Variants in FBN3 observed in about 807,000 individuals in gnomAD.
The protein encoded by FBN3 is fibrillin 3.
In FBN3, 234 loss-of-function variants were observed where a neutral mutation model predicts 330.1. The observed-to-expected ratio is 0.71, with a 90% CI of 0.64 to 0.79. FBN3 has a LOEUF of 0.79. Among genes scored for constraint, FBN3 ranks in the 30% least tolerant of loss-of-function variants. The pLI, the probability that FBN3 is intolerant of heterozygous loss-of-function variation, is 0.00. For synonymous variants in FBN3, 1,458 were observed against 1,517.3 expected, an observed-to-expected ratio of 0.96 and a Z score of 0.91; for missense variants, 3,606 against 3,886.9, an observed-to-expected ratio of 0.93 and a Z score of 1.92.
At chr19:8,133,170 T>G (rs1227017016) in intron 13 of FBN3, 64 bp from the exon 14 acceptor site, 1 of 1,496,540 alleles carries the variant, frequency 6.7e-7, no homozygotes, top group Admixed American at 2.1e-5. Flanking sequence ...CTCTCCCTCC[T>G]CCAGGCTCCA....
chr19:8,111,990 G>T lies in FBN3; in HGVS notation c.3948C>A (p.Gly1316=). ...CRCLPGWVGD[G]FECHDLDECV... Reference sequence around the variant, plus strand: ...CCAGGTACTCACCGTGACATTCGAAGCCATCCCCCACCCAGCCTGGCAGGC... The same window carrying T: ...CCAGGTACTCACCGTGACATTCGAATCCATCCCCCACCCAGCCTGGCAGGC... Residue 1316 remains glycine (G), a synonymous_variant, in exon 31 of 64, where the codon GGC becomes GGA. Coordinates refer to ENST00000600128, the MANE Select transcript of FBN3 (RefSeq NM_032447.5). The T allele has an allele frequency of 6.3e-7, 1 of 1,596,358 alleles. No individual in the cohort carries two copies. Among genetic ancestry groups the T allele is most frequent in the Non-Finnish European group, 8.5e-7 (1 of 1,171,770 alleles).
chr19:8,120,957 T>G (rs1218633007), intron 25 of FBN3, among the ~76,000 whole-genome samples: 1 of 152,162 alleles, frequency 6.6e-6, no homozygotes, highest in Non-Finnish European at 1.5e-5. Flanking sequence ...AGAGGCCTCA[T>G]AACCGGCAGT....
At chr19:8,114,051 A>T (rs2082653334) in intron 30 of FBN3, among the ~76,000 whole-genome samples, 1 of 151,870 alleles carries the variant, frequency 6.6e-6, no homozygotes, top group African/African-American at 2.4e-5. Flanking sequence ...AAATAGATAC[A>T]CAGAGAGAAG....
At chr19:8,083,798 A>C in intron 56 of FBN3, among the ~76,000 whole-genome samples, 2 of 122,216 alleles carry the variant, frequency 1.6e-5, no homozygotes, top group East Asian at 2.3e-4. Flanking sequence ...CAGTCCTACT[A>C]TTTTTTCTTT....
intron 29 of FBN3, 35 bp from the exon 30 acceptor site, chr19:8,115,675 G>A (rs1410863660): frequency 6.2e-7 from 1 of 1,608,532 alleles, no homozygotes. Flanking sequence ...CTGAGGACTG[G>A]GTGCAGGGGT....
chr19:8,081,918 T>C (rs62124727), intron 57 of FBN3, among the ~76,000 whole-genome samples: 1 of 148,044 alleles, frequency 6.8e-6, no homozygotes, highest in African/African-American at 2.5e-5. Context: ...AGGGTGGGGG[T>C]GGGAGAACGA....
chr19:8,087,611 T>C (rs1204558125), intron 53 of FBN3, among the ~76,000 whole-genome samples: 1 of 141,720 alleles, frequency 7.1e-6, no homozygotes, highest in Non-Finnish European at 1.5e-5. Flanking sequence ...TTTTTTTTTT[T>C]TTTTTTTTTT....
chr19:8,084,535 A>G (rs1412841169), intron 56 of FBN3, among the ~76,000 whole-genome samples: 1 of 151,878 alleles, frequency 6.6e-6, no homozygotes, highest in Non-Finnish European at 1.5e-5. Context: ...AGCCTCTCCC[A>G]CGGCCCCAAA....
In FBN3 at chr19:8,135,952, C is replaced by T. The variant is rs375956557; in HGVS notation, c.1591+9G>A. On this transcript the variant is annotated intron_variant, in intron 13 of 63. Coordinates refer to ENST00000600128, the MANE Select transcript of FBN3 (RefSeq NM_032447.5). ...GAAGCCCCTGCCCACCCGCCCACCC[C>T]CAACTCACCCACACAGTTCTTGCCG... is the stretch of plus-strand genomic sequence containing the variant. The T allele has an allele frequency of 9.9e-5, 68 of 684,618 alleles. No homozygotes were observed. The highest frequency in any genetic ancestry group is 7.5e-4 in the Middle Eastern group (2 of 2,654). 42.4% of individuals were successfully genotyped at this position (684,618 alleles called of 1,614,324 possible). A position where few individuals can be genotyped will look rare whatever the true frequency, so the allele number is the denominator to read the frequency against.
At position 8,129,437 on chromosome 19, in the gene FBN3, C is replaced by A; in HGVS notation, c.2045-72G>T. 1.9e-6 allele frequency: 3 copies of A among 1,581,210 alleles called. No homozygotes were observed. The highest frequency in any genetic ancestry group is 1.7e-5 in the Admixed American group (1 of 58,352). ...TCCGAGGCAGGAGGAGGGTGTGTCG[C>A]GGCGCACCAGGGGTCTCTAGAAGTC... On this transcript the variant is annotated intron_variant, in intron 16 of 63. Coordinates refer to ENST00000600128, the MANE Select transcript of FBN3 (RefSeq NM_032447.5). This position sits in a 1 kb window ranked among gnomAD's most constrained non-coding sequence, Gnocchi z 4.5.
intron 39 of FBN3, 60 bp from the exon 40 acceptor site, chr19:8,102,933 G>A: frequency 6.4e-7 from 1 of 1,552,628 alleles, no homozygotes; most frequent in Non-Finnish European, 8.9e-7. Context: ...GTGGAAGAGG[G>A]AGCCAAAGAG....
At chr19:8,136,583 T>A in intron 10 of FBN3, 52 bp from the exon 11 acceptor site, 1 of 1,605,420 alleles carries the variant, frequency 6.2e-7, no homozygotes, top group East Asian at 2.2e-5. Flanking sequence ...CCCGCCCCAG[T>A]CTGGAGCCTG....
In FBN3 at chr19:8,123,834, C is replaced by A. The variant is rs578192795; in HGVS notation, c.2906G>T (p.Gly969Val). The A allele has an allele frequency of 2.5e-6, 4 of 1,613,250 alleles. No homozygotes were observed. In the African/African-American group the frequency reaches 5.3e-5, roughly 21 times the overall value. The change falls in exon 23 of 64, where the codon GGG (glycine) becomes GTG (valine). Residue 969 changes from glycine to valine, a missense_variant. Transcript: ENST00000600128. ...GAAGTCCCGGCTGGCGAAGCCCAGC[C>A]CCCGCGGGCACAGGCTGGCGAACTC... ...SLEFASLCPR[G>V]LGFASRDFLS...
chr19:8,066,107 C>T lies in FBN3; in HGVS notation c.8242G>A (p.Gly2748Ser), dbSNP rs571628348. Reference protein sequence around the residue: ...RYVIVRGNEQGFFRMHHLRGV... With the variant: ...RYVIVRGNEQSFFRMHHLRGV... ...CGGAGGTGATGCATGCGAAAGAAAC[C>T]TTGCTCGTTTCCGCGGACGATGACG... The change falls in exon 64 of 64, where the codon GGT becomes AGT. Residue 2748 changes from glycine (G) to serine (S), a missense_variant. Coordinates refer to ENST00000600128, the MANE Select transcript of FBN3 (RefSeq NM_032447.5). 2.5e-6 allele frequency: 4 copies of T among 1,613,540 alleles called. No homozygotes were observed. Among genetic ancestry groups the T allele is most frequent in the Admixed American group, 3.3e-5 (2 of 60,028 alleles).
chr19:8,126,859 CTG>C, intron 18 of FBN3, 27 bp from the exon 19 acceptor site: 1 of 1,522,372 alleles, frequency 6.6e-7, no homozygotes, highest in Admixed American at 2.2e-5. Context: ...CCACCAGGTC[CTG>C]AGCTGCAGGA....
At chr19:8,092,006 C>CCCGT (rs2082106823) in intron 47 of FBN3, among the ~76,000 whole-genome samples, 1 of 151,658 alleles carries the variant, frequency 6.6e-6, no homozygotes. Context: ...ATGGTGAAAC[C>CCCGT]ATCTACTAAC....
chr19:8,086,433 TTA>T, intron 54 of FBN3, 108 bp from the exon 55 acceptor site: 2 of 425,476 alleles, frequency 4.7e-6, no homozygotes, highest in East Asian at 8.8e-5. Flanking sequence ...TTGCTTATTT[TTA>T]TTTTATTTAT....
intron 10 of FBN3, 57 bp from the exon 11 acceptor site, chr19:8,136,588 A>G: frequency 1.2e-6 from 2 of 1,603,644 alleles, no homozygotes; most frequent in Non-Finnish European, 1.7e-6. Context: ...CCCAGTCTGG[A>G]GCCTGGGCTT....
rs1397438538 is a variant in FBN3, at chr19:8,073,066, T to C, written c.7934A>G (p.Gln2645Arg). 8 of 1,571,032 alleles carry C rather than the reference T, an allele frequency of 5.1e-6. No homozygotes were observed. In the Admixed American group the frequency reaches 1.4e-4, roughly 27 times the overall value. The change falls in exon 62 of 64, where the codon CAA becomes CGA. Residue 2645 changes from glutamine to arginine, a missense_variant. Transcript: ENST00000600128. Reference sequence around the variant, plus strand: ...TTGCCCCACTCCAGCCTCTCACCCTTGCCCAGCCCGGAAGTAGCCTTGAGG... The same window carrying C: ...TTGCCCCACTCCAGCCTCTCACCCTCGCCCAGCCCGGAAGTAGCCTTGAGG... ...GCPQGYFRAGQGHCVSGLGFS... is the reference protein window; with the variant it reads ...GCPQGYFRAGRGHCVSGLGFS...
Sources: gnomAD v4.1 joint callset for allele counts (sites outside exome capture counted in the v4.1 genomes callset) on GRCh38, gnomAD v4.1.1 for gene constraint, Gnocchi (gnomAD v3.1) non-coding constraint, MANE v1.5 for transcripts, NCBI Gene and HGNC (gene_info 2026-07-23, HGNC 2026-07-21) for gene names.